TMCO4: variants seen among roughly 807,000 people sequenced by gnomAD.
TMCO4 encodes transmembrane and coiled-coil domain-containing protein 4.
In TMCO4, 58 loss-of-function variants were observed where a neutral mutation model predicts 64.7. The ratio of observed to expected loss-of-function variants is 0.90; its 90% CI spans 0.73 to 1.12. The LOEUF (loss-of-function observed/expected upper bound fraction) is 1.12. Ranked by LOEUF, TMCO4 falls within the 50% of genes most tolerant of loss-of-function variation. The pLI is 0.00. For missense variants in TMCO4, 780 were observed against 825.9 expected (o/e 0.94, Z 0.68); for synonymous variants, 325 against 346.1 (o/e 0.94, Z 0.68).
intron 13 of TMCO4, among the ~76,000 whole-genome samples, chr1:19,722,541 T>C (rs1487934073): frequency 6.6e-6 from 1 of 152,222 alleles, no homozygotes; most frequent in Non-Finnish European, 1.5e-5. Context: ...GGTCATACCG[T>C]TCCCATGATC....
chr1:19,718,326 C>A (rs1458256164), intron 13 of TMCO4, among the ~76,000 whole-genome samples: 1 of 151,254 alleles, frequency 6.6e-6, no homozygotes, highest in Admixed American at 6.6e-5. Context: ...CAGAGTGAGA[C>A]TCCATCTCAA....
Position 19,770,541 on chromosome 1 carries a change from C to T in TMCO4, c.382+1G>A, listed in dbSNP as rs1381639886. 6.2e-7 allele frequency: 1 copy of T among 1,613,880 alleles called. No homozygotes were observed. On this transcript the variant is annotated splice_donor_variant, in intron 6 of 15. Transcript: ENST00000294543. LOFTEE classifies it high-confidence loss of function. ...TTACAGAGCTTAGAAAATCAACTTA[C>T]CATCCTTGAGTGAGAAGCTCAGAAG...
At chr1:19,778,244 ATATT>A (rs142603109) in intron 4 of TMCO4, among the ~76,000 whole-genome samples, 26,251 of 146,178 alleles carry the variant, frequency 0.18, 2,635 homozygotes, top group South Asian at 0.29. Context: ...CTCATTATTT[ATATT>A]TATTTATTTA....
At chr1:19,686,599 C>T (rs1023504480) in intron 15 of TMCO4, among the ~76,000 whole-genome samples, 3 of 152,246 alleles carry the variant, frequency 2.0e-5, no homozygotes, top group Admixed American at 6.5e-5. Context: ...AATACACACA[C>T]GTGTATTCAC....
chr1:19,728,296 C>G (rs558302776), intron 13 of TMCO4, among the ~76,000 whole-genome samples: 1 of 152,328 alleles, frequency 6.6e-6, no homozygotes, highest in Admixed American at 6.5e-5. Flanking sequence ...TCTAAATCCA[C>G]TCTTCTCATC....
chr1:19,732,131 C>T lies in TMCO4; in HGVS notation c.1264+5241G>A, dbSNP rs747064181. ...AGCTGGCTACATGTCTGTGAATGTG[C>T]GCACACCTGCTGCTCACATTTGGAA... On this transcript the variant is annotated intron_variant, in intron 13 of 15. Transcript: ENST00000294543. The surrounding 1 kb of genome is among the most constrained non-coding windows in gnomAD (Gnocchi z 4.8). Among the ~76,000 whole-genome samples the T allele has an allele frequency of 6.6e-6, 1 of 152,042 alleles. No individual in the cohort carries two copies. The highest frequency in any genetic ancestry group is 1.5e-5 in the Non-Finnish European group (1 of 68,004).
rs750152248 is a variant in TMCO4, at chr1:19,683,371, C to T, written c.1574G>A (p.Gly525Asp). Residue 525 changes from glycine to aspartate, a missense_variant, in exon 16 of 16, where the codon GGC (glycine) becomes GAC (aspartate). By Grantham distance (94) the Gly-to-Asp change is moderately conservative. Transcript: ENST00000294543. Reference protein sequence around the residue: ...LKAVGIRTKPGWDEKGLLLAP... With the variant: ...LKAVGIRTKPDWDEKGLLLAP... ...CAGCAAGAGCCCCTTCTCGTCCCAG[C>T]CTGGCTTGGTGCGGATGCCCACGGC... The T allele has an allele frequency of 6.2e-7, 1 of 1,613,786 alleles. No homozygotes were observed. The highest frequency in any genetic ancestry group is 1.3e-5 in the African/African-American group (1 of 74,942).
chr1:19,683,020 G>A lies in TMCO4; in HGVS notation c.*20C>T. The A allele has an allele frequency of 2.0e-6, 3 of 1,538,006 alleles. No individual in the cohort carries two copies. Among genetic ancestry groups the A allele is most frequent in the Non-Finnish European group, 2.6e-6 (3 of 1,146,550 alleles). On this transcript the variant is annotated 3_prime_UTR_variant, in exon 16 of 16. Coordinates refer to ENST00000294543, the MANE Select transcript of TMCO4 (RefSeq NM_181719.7). ...CTGCATATGGAGACTGGGGAAGACGGCTCAGGTCCCCTGCTGTGGTCAGTC... is the reference window on the plus strand; with the variant it reads ...CTGCATATGGAGACTGGGGAAGACGACTCAGGTCCCCTGCTGTGGTCAGTC...
At chr1:19,797,012 T>C (rs1294846962) in intron 2 of TMCO4, among the ~76,000 whole-genome samples, 3 of 152,242 alleles carry the variant, frequency 2.0e-5, no homozygotes, top group African/African-American at 7.2e-5. Flanking sequence ...GGACAGCACC[T>C]GGCAGAGCAG....
intron 10 of TMCO4, among the ~76,000 whole-genome samples, chr1:19,744,158 C>T (rs891073342): frequency 2.6e-5 from 4 of 152,022 alleles, no homozygotes; most frequent in African/African-American, 4.8e-5. Flanking sequence ...CAGGTTGGGA[C>T]GTTTAGGATT....
intron 3 of TMCO4, among the ~76,000 whole-genome samples, chr1:19,785,369 TTTC>T (rs2043685659): frequency 6.6e-6 from 1 of 152,190 alleles, no homozygotes; most frequent in African/African-American, 2.4e-5. Context: ...TTTTTGTTTG[TTTC>T]TTTTGTTTTG....
intron 13 of TMCO4, among the ~76,000 whole-genome samples, chr1:19,717,060 C>T (rs372482371): frequency 7.9e-5 from 12 of 152,164 alleles, no homozygotes; most frequent in East Asian, 7.7e-4. Flanking sequence ...GTAGTAGGCG[C>T]CTGTAATCCC....
chr1:19,748,900 T>C (rs1389835220), intron 7 of TMCO4, among the ~76,000 whole-genome samples: 1 of 152,190 alleles, frequency 6.6e-6, no homozygotes, highest in African/African-American at 2.4e-5. Flanking sequence ...CAGTTGGGCA[T>C]CTGGGGACCT....
intron 6 of TMCO4, among the ~76,000 whole-genome samples, chr1:19,764,287 C>T (rs772383578): frequency 1.9e-4 from 29 of 152,340 alleles, no homozygotes; most frequent in Non-Finnish European, 3.4e-4. Context: ...CCAGCTTGGG[C>T]AGGCATTTCA....
chr1:19,709,036 C>T (rs555327443), intron 13 of TMCO4, among the ~76,000 whole-genome samples: 148 of 152,144 alleles, frequency 9.7e-4, no homozygotes, highest in Middle Eastern at 3.4e-3. Context: ...ACATGATAGA[C>T]ACGTAGAGAG....
chr1:19,749,923 G>A lies in TMCO4; in HGVS notation c.516-2663C>T, dbSNP rs2041955297. Among the ~76,000 whole-genome samples the A allele has an allele frequency of 1.3e-5, 2 of 151,954 alleles. 1 individual carries two copies. The highest frequency in any genetic ancestry group is 4.8e-5 in the African/African-American group (2 of 41,354). On this transcript the variant is annotated intron_variant, in intron 7 of 15. Transcript: ENST00000294543. ...CAAAACCTAGCCTATCCCCACAGTG[G>A]ACAGAACCACTTAATACCTTTGTGA... is the stretch of plus-strand genomic sequence containing the variant.
rs1227875514 is a variant in TMCO4 at position 19,771,471 on chromosome 1, G to A, written c.191C>T (p.Thr64Ile). 1.9e-6 allele frequency: 3 copies of A among 1,613,806 alleles called. No individual in the cohort carries two copies. The highest frequency in any genetic ancestry group is 2.5e-6 in the Non-Finnish European group (3 of 1,179,978). ...CTGCACCAGGCCTGCCATGAACTCTGTGCAGAAGGAGCTGAAAGGCAGACA... is the reference window on the plus strand; with the variant it reads ...CTGCACCAGGCCTGCCATGAACTCTATGCAGAAGGAGCTGAAAGGCAGACA... ...FPEPEHSSFCTEFMAGLVQWL... is the reference protein window; with the variant it reads ...FPEPEHSSFCIEFMAGLVQWL... Residue 64 changes from threonine to isoleucine, a missense_variant, in exon 5 of 16, where the codon ACA becomes ATA. Thr to Ile is a moderately conservative substitution (Grantham distance 89). Coordinates refer to ENST00000294543, the MANE Select transcript of TMCO4 (RefSeq NM_181719.7).
rs142281389 is a variant in TMCO4 at position 19,746,065 on chromosome 1, C to T, written c.757+391G>A. ...GTTGAACAGGAATGTCTGTGCATGA[C>T]GAGGTTGGAGGAGTGGGAGGGGGGC... On this transcript the variant is annotated intron_variant, in intron 9 of 15. Transcript: ENST00000294543. Among the ~76,000 whole-genome samples, 618 of 152,236 alleles carry T rather than the reference C, an allele frequency of 4.1e-3. 1 individual carries two copies. The highest frequency in any genetic ancestry group is 0.014 in the African/African-American group (577 of 41,524).
chr1:19,686,955 ATTT>A (rs60727830), intron 15 of TMCO4, among the ~76,000 whole-genome samples: 32 of 149,014 alleles, frequency 2.1e-4, no homozygotes, highest in Middle Eastern at 3.4e-3. Context: ...GTTTTTCTTA[ATTT>A]TTTTTTTTTT....
Sources: gnomAD v4.1 joint callset for allele counts (sites outside exome capture counted in the v4.1 genomes callset) on GRCh38, gnomAD v4.1.1 for gene constraint, Gnocchi (gnomAD v3.1) non-coding constraint, MANE v1.5 for transcripts, NCBI Gene and HGNC (gene_info 2026-07-23, HGNC 2026-07-21) for gene names.